PCDH9: variants seen among roughly 807,000 people sequenced by gnomAD.
PCDH9 encodes the protein protocadherin-9.
In PCDH9, 24 loss-of-function variants were observed where a neutral mutation model predicts 70.6. The observed-to-expected ratio is 0.34, with a 90% CI of 0.25 to 0.48. PCDH9 has a LOEUF of 0.48. Among genes scored for constraint, PCDH9 ranks in the 20% least tolerant of loss-of-function variants. PCDH9 has a pLI of 0.99. For synonymous variants in PCDH9, 562 were observed against 558.5 expected (o/e 1.01, Z -0.09); for missense variants, 1,281 against 1,503.6 (o/e 0.85, Z 2.45).
rs1382314244 is a variant in PCDH9, at chr13:66,738,448, A to G, written c.3139-107037T>C. On this transcript the variant is annotated intron_variant, in intron 3 of 4. Transcript: ENST00000377865. Reference sequence around the variant, plus strand: ...AACGCAGAGCGCCTCTCCTCCTCCAAAGGAACGCAGTTCCTCACCAGCAAC... The same window carrying G: ...AACGCAGAGCGCCTCTCCTCCTCCAGAGGAACGCAGTTCCTCACCAGCAAC... Among the ~76,000 whole-genome samples the G allele has an allele frequency of 8.6e-5, 13 of 150,604 alleles. 1 individual carries two copies. In the East Asian group the frequency reaches 2.4e-3, roughly 27 times the overall value.
intron 3 of PCDH9, among the ~76,000 whole-genome samples, chr13:66,761,086 T>G (rs1168627402): frequency 2.0e-5 from 3 of 152,116 alleles, no homozygotes; most frequent in Non-Finnish European, 4.4e-5. Flanking sequence ...TCTCTGCCCT[T>G]GTGATATTTT....
chr13:66,988,065 A>G (rs944745145), intron 2 of PCDH9, among the ~76,000 whole-genome samples: 1 of 151,874 alleles, frequency 6.6e-6, no homozygotes, highest in African/African-American at 2.4e-5. Flanking sequence ...TGGTCAGCTA[A>G]TATTTATTTA....
rs187283906 is a variant in PCDH9 at position 66,912,484 on chromosome 13, G to A, written c.3037-8879C>T. 8.0e-3 allele frequency among the ~76,000 whole-genome samples: 1,207 copies of A among 151,582 alleles called. 6 individuals carry two copies. Among genetic ancestry groups the A allele is most frequent in the Non-Finnish European group, 0.012 (794 of 67,886 alleles). On this transcript the variant is annotated intron_variant, in intron 2 of 4. Coordinates refer to ENST00000377865, the MANE Select transcript of PCDH9 (RefSeq NM_203487.3). Reference sequence around the variant, plus strand: ...AAATATTCTCCTTCTATACAAAGGTGGCCATTTGTGAATTACATTCATAAG... The same window carrying A: ...AAATATTCTCCTTCTATACAAAGGTAGCCATTTGTGAATTACATTCATAAG...
At chr13:66,576,069 TA>T (rs1239561008) in intron 4 of PCDH9, among the ~76,000 whole-genome samples, 2,233 of 105,866 alleles carry the variant, frequency 0.021, 15 homozygotes, top group Non-Finnish European at 0.033. Context: ...TCACAGCAGA[TA>T]AAAAAAAAAA....
At chr13:66,580,774 A>T (rs2138779508) in intron 4 of PCDH9, among the ~76,000 whole-genome samples, 1 of 152,172 alleles carries the variant, frequency 6.6e-6, no homozygotes, top group East Asian at 2.0e-4. Flanking sequence ...ATGTTTCAAA[A>T]TTGTTAAAAA....
intron 4 of PCDH9, among the ~76,000 whole-genome samples, chr13:66,553,945 C>T (rs1961607406): frequency 6.6e-6 from 1 of 152,038 alleles, no homozygotes; most frequent in South Asian, 2.1e-4. Flanking sequence ...GTTCATATGG[C>T]TTTGTGGAGG....
intron 4 of PCDH9, among the ~76,000 whole-genome samples, chr13:66,540,698 C>T (rs986499486): frequency 6.6e-6 from 1 of 152,158 alleles, no homozygotes; most frequent in African/African-American, 2.4e-5. Flanking sequence ...GGTTGACCCC[C>T]TTTGGGCAGA....
chr13:66,950,662 G>A (rs1162926635), intron 2 of PCDH9, among the ~76,000 whole-genome samples: 1 of 151,942 alleles, frequency 6.6e-6, no homozygotes, highest in African/African-American at 2.4e-5. Context: ...AAATAAAACA[G>A]GTGACCATAG....
At chr13:66,838,158 C>T (rs1316845086) in intron 3 of PCDH9, among the ~76,000 whole-genome samples, 5 of 151,512 alleles carry the variant, frequency 3.3e-5, no homozygotes, top group Non-Finnish European at 7.4e-5. Flanking sequence ...ATATTTTTTT[C>T]TCCCCTTTAT....
rs1330537352 is a variant in PCDH9, at chr13:66,903,620, C to T, written c.3037-15G>A. The T allele has an allele frequency of 4.4e-6, 5 of 1,130,000 alleles. No individual in the cohort carries two copies. In the East Asian group the frequency reaches 1.2e-4, roughly 27 times the overall value. The allele number at this position is 1,130,000 out of a possible 1,614,324, so 70.0% of individuals were successfully genotyped here. A position where few individuals can be genotyped will look rare whatever the true frequency, so the allele number is the denominator to read the frequency against. On this transcript the variant is annotated splice_polypyrimidine_tract_variant and intron_variant, in intron 2 of 4. Transcript: ENST00000377865. ...TGTGAGTTACACTGAAAGAGATTAC[C>T]AAATAATTGTGACAAACTACTCCAC... is the stretch of plus-strand genomic sequence containing the variant.
intron 4 of PCDH9, among the ~76,000 whole-genome samples, chr13:66,567,811 C>T (rs753151055): frequency 2.6e-5 from 4 of 152,268 alleles, no homozygotes; most frequent in Admixed American, 2.0e-4. Flanking sequence ...TAATTTTCTT[C>T]AGGAACACAG....
intron 3 of PCDH9, among the ~76,000 whole-genome samples, chr13:66,884,745 C>T (rs2081980229): frequency 6.6e-6 from 1 of 152,024 alleles, no homozygotes. Context: ...AGAAGATATG[C>T]CAAATGAATC....
chr13:67,225,130 T>A, intron 2 of PCDH9: 4 of 1,320,544 alleles, frequency 3.0e-6, no homozygotes, highest in Non-Finnish European at 3.8e-6. Flanking sequence ...TCAGCAAACA[T>A]TATCTTGGGA....
At chr13:66,576,083 A>G (rs2076811228) in intron 4 of PCDH9, among the ~76,000 whole-genome samples, 1 of 151,408 alleles carries the variant, frequency 6.6e-6, no homozygotes, top group African/African-American at 2.4e-5. Flanking sequence ...AAAAAAAAAA[A>G]GGAAAGGCAA....
At chr13:67,075,348 G>A (rs1290471948) in intron 2 of PCDH9, among the ~76,000 whole-genome samples, 5 of 151,988 alleles carry the variant, frequency 3.3e-5, no homozygotes, top group East Asian at 1.9e-4. Context: ...AAAAGGAAAC[G>A]AACTGAGAAT....
At chr13:66,478,256 G>T (rs1566356708) in intron 4 of PCDH9, among the ~76,000 whole-genome samples, 1 of 152,112 alleles carries the variant, frequency 6.6e-6, no homozygotes, top group Non-Finnish European at 1.5e-5. Flanking sequence ...CCACCAACTA[G>T]CCATTCCCCA....
chr13:66,912,297 T>C (rs2082480990), intron 2 of PCDH9, among the ~76,000 whole-genome samples: 1 of 152,132 alleles, frequency 6.6e-6, no homozygotes, highest in African/African-American at 2.4e-5. Flanking sequence ...AGTCAAGCCC[T>C]TTTCTAAACT....
At chr13:66,820,095 A>G (rs988294359) in intron 3 of PCDH9, among the ~76,000 whole-genome samples, 2 of 152,128 alleles carry the variant, frequency 1.3e-5, no homozygotes, top group African/African-American at 4.8e-5. Context: ...TTTATATTGA[A>G]TTTGTTCCAT....
chr13:67,106,295 T>C (rs942781580), intron 2 of PCDH9, among the ~76,000 whole-genome samples: 20 of 152,196 alleles, frequency 1.3e-4, no homozygotes, highest in African/African-American at 4.6e-4. Context: ...GTACTTACTA[T>C]GTGGTAGATA....
Sources: allele counts gnomAD v4.1 joint callset (sites outside exome capture counted in the v4.1 genomes callset), GRCh38; gene constraint gnomAD v4.1.1; transcripts MANE v1.5; gene names NCBI Gene and HGNC (gene_info 2026-07-23, HGNC 2026-07-21).